Variants in ADCY2 observed in about 807,000 individuals in gnomAD.
The protein encoded by ADCY2 is adenylate cyclase 2.
ADCY2 carries 31 observed loss-of-function variants against 125.2 expected under a neutral mutation model. The observed-to-expected ratio is 0.25, with a 90% confidence interval of 0.19 to 0.33. ADCY2 has a LOEUF of 0.33. Among genes scored for constraint, ADCY2 ranks in the 10% least tolerant of loss-of-function variants. The pLI, the probability that ADCY2 is intolerant of heterozygous loss-of-function variation, is 1.00. For missense variants in ADCY2, 904 were observed against 1,418.2 expected, an observed-to-expected ratio of 0.64 and a Z score of 5.82; for synonymous variants, 512 against 548.4, an observed-to-expected ratio of 0.93 and a Z score of 0.93.
At chr5:7,629,393 A>T (rs1008347944) in intron 4 of ADCY2, among the ~76,000 whole-genome samples, 2 of 152,196 alleles carry the variant, frequency 1.3e-5, no homozygotes, top group Non-Finnish European at 2.9e-5. Context: ...GCAAAACTCC[A>T]TGCTGTCTTT....
chr5:7,629,224 T>C (rs1167638644), intron 4 of ADCY2, among the ~76,000 whole-genome samples: 1 of 152,238 alleles, frequency 6.6e-6, no homozygotes, highest in East Asian at 1.9e-4. Flanking sequence ...TGGGAGTTCC[T>C]TGGCCTCGCT....
chr5:7,466,991 C>G (rs1374336332), intron 2 of ADCY2, among the ~76,000 whole-genome samples: 1 of 152,138 alleles, frequency 6.6e-6, no homozygotes, highest in African/African-American at 2.4e-5. Flanking sequence ...TGCCAGCATC[C>G]TCGTCAGCCT....
chr5:7,744,168 C>G (rs1742526894), intron 15 of ADCY2, among the ~76,000 whole-genome samples: 1 of 151,738 alleles, frequency 6.6e-6, no homozygotes, highest in Non-Finnish European at 1.5e-5. Context: ...GGGAGTTGAA[C>G]AATGAGGACA....
intron 4 of ADCY2, among the ~76,000 whole-genome samples, chr5:7,687,975 G>C (rs2126721131): frequency 6.6e-6 from 1 of 152,248 alleles, no homozygotes; most frequent in South Asian, 2.1e-4. Context: ...CCATCAGAAA[G>C]AGTACAAAAT....
chr5:7,757,737 G>T (rs1480352286), intron 16 of ADCY2, 151 bp downstream of exon 16: 4 of 1,154,462 alleles, frequency 3.5e-6, no homozygotes, highest in African/African-American at 3.2e-5. Context: ...GTGAGTCAGG[G>T]CTCACAGCAG....
At chr5:7,660,410 C>T (rs956512395) in intron 4 of ADCY2, among the ~76,000 whole-genome samples, 4 of 151,986 alleles carry the variant, frequency 2.6e-5, no homozygotes, top group African/African-American at 4.8e-5. Flanking sequence ...GATTTTGCTC[C>T]CTTTACATAT....
intron 3 of ADCY2, among the ~76,000 whole-genome samples, chr5:7,563,848 C>T (rs912191321): frequency 6.6e-6 from 1 of 152,066 alleles, no homozygotes; most frequent in Non-Finnish European, 1.5e-5. Flanking sequence ...GCACCTTACC[C>T]GTTGTTTATG....
chr5:7,447,281 C>G (rs775947512), intron 2 of ADCY2, among the ~76,000 whole-genome samples: 2 of 152,156 alleles, frequency 1.3e-5, no homozygotes, highest in African/African-American at 4.8e-5. Context: ...CTGGCCTGGA[C>G]GGCCCTGCAC....
chr5:7,415,270 G>T (rs950150206), intron 2 of ADCY2, among the ~76,000 whole-genome samples: 2 of 152,156 alleles, frequency 1.3e-5, no homozygotes, highest in African/African-American at 4.8e-5. Context: ...CAGGCACAGA[G>T]AACAAAGGCT....
chr5:7,585,796 A>G (rs996998094), intron 3 of ADCY2, among the ~76,000 whole-genome samples: 3 of 152,216 alleles, frequency 2.0e-5, no homozygotes, highest in African/African-American at 7.2e-5. Context: ...ATTGAATTGC[A>G]CACCAGAACT....
chr5:7,730,060 T>C (rs1186418969), intron 14 of ADCY2, among the ~76,000 whole-genome samples: 1 of 152,082 alleles, frequency 6.6e-6, no homozygotes, highest in Non-Finnish European at 1.5e-5. Flanking sequence ...GGAGTCTCCA[T>C]AGTCCATTGT....
At chr5:7,407,189 T>A (rs1192268563) in intron 1 of ADCY2, among the ~76,000 whole-genome samples, 2 of 152,228 alleles carry the variant, frequency 1.3e-5, no homozygotes, top group Admixed American at 6.5e-5. Context: ...CAATTTTTCC[T>A]TTCTCAAAAA....
At chr5:7,456,806 A>G (rs868476349) in intron 2 of ADCY2, among the ~76,000 whole-genome samples, 2 of 152,192 alleles carry the variant, frequency 1.3e-5, no homozygotes, top group African/African-American at 4.8e-5. Flanking sequence ...CCTTTTTTAT[A>G]TTAAAATCTG....
intron 3 of ADCY2, among the ~76,000 whole-genome samples, chr5:7,593,853 T>C (rs183152213): frequency 1.3e-5 from 2 of 151,826 alleles, no homozygotes; most frequent in Admixed American, 1.3e-4. Flanking sequence ...AGAAGAAAAG[T>C]AAAGCAGGAA....
chr5:7,787,637 A>T (rs1467477472), intron 19 of ADCY2, among the ~76,000 whole-genome samples: 1 of 151,830 alleles, frequency 6.6e-6, no homozygotes, highest in Admixed American at 6.6e-5. Flanking sequence ...TGGGAAGGTG[A>T]TAGATGATTG....
chr5:7,734,740 T>A (rs1161134293), intron 14 of ADCY2, among the ~76,000 whole-genome samples: 1 of 152,216 alleles, frequency 6.6e-6, no homozygotes, highest in African/African-American at 2.4e-5. Flanking sequence ...ACAGTATTTG[T>A]TGTTCCCTGG....
At chr5:7,794,408 C>T (rs1320072412) in intron 20 of ADCY2, 1 of 152,268 alleles carries the variant, frequency 6.6e-6, no homozygotes, top group Non-Finnish European at 1.5e-5. Flanking sequence ...TGTACTCCCC[C>T]AGGGGAGGTT....
chr5:7,751,295 T>C (rs1742807161), intron 15 of ADCY2, among the ~76,000 whole-genome samples: 1 of 152,232 alleles, frequency 6.6e-6, no homozygotes, highest in Non-Finnish European at 1.5e-5. Context: ...GTTGTTGTCG[T>C]ATCTGCAGAT....
chr5:7,726,655 C>T (rs894860461), intron 13 of ADCY2, among the ~76,000 whole-genome samples: 5 of 152,130 alleles, frequency 3.3e-5, no homozygotes, highest in Non-Finnish European at 7.4e-5. Flanking sequence ...GTTGGCAAAC[C>T]TTTTCAGTCT....
Sources: gnomAD v4.1 joint callset for allele counts (sites outside exome capture counted in the v4.1 genomes callset) on GRCh38, gnomAD v4.1.1 for gene constraint, MANE v1.5 for transcripts, NCBI Gene and HGNC (gene_info 2026-07-23, HGNC 2026-07-21) for gene names.